The following RALGAPA2 variants were observed in gnomAD, a reference collection of about 807,000 sequenced individuals.
The protein encoded by RALGAPA2 is ral GTPase-activating protein subunit alpha-2.
In RALGAPA2, 139 loss-of-function variants were observed where a neutral mutation model predicts 230.4. The observed-to-expected ratio is 0.60, with a 90% CI of 0.53 to 0.69. RALGAPA2 has a LOEUF of 0.69. Ranked by LOEUF, RALGAPA2 falls within the 30% of genes least tolerant of loss-of-function variation. The probability of loss-of-function intolerance (pLI) is 0.00; values close to 1 mark genes in which losing one functional copy is unlikely to be tolerated. For missense variants in RALGAPA2, 2,163 were observed against 2,276.0 expected (o/e 0.95, Z 1.01); for synonymous variants, 847 against 837.8 (o/e 1.01, Z -0.19).
rs114455943 is a variant in RALGAPA2 at position 20,552,399 on chromosome 20, T to G, written c.3157-5567A>C. 7.3e-3 allele frequency among the ~76,000 whole-genome samples: 1,117 copies of G among 152,314 alleles called. 11 individuals are homozygous for G. The highest frequency in any genetic ancestry group is 0.026 in the African/African-American group (1,072 of 41,568). On this transcript the variant is annotated intron_variant, in intron 23 of 39. Coordinates refer to ENST00000202677, the MANE Select transcript of RALGAPA2 (RefSeq NM_020343.4). Reference sequence around the variant, plus strand: ...ATGAAAAATCACTCAATTCCTCATTTAACTTTTTACTTAAAGAAAACTAAA... The same window carrying G: ...ATGAAAAATCACTCAATTCCTCATTGAACTTTTTACTTAAAGAAAACTAAA...
chr20:20,666,986 C>T (rs1329847892), intron 3 of RALGAPA2, among the ~76,000 whole-genome samples: 2 of 152,040 alleles, frequency 1.3e-5, no homozygotes, highest in Non-Finnish European at 1.5e-5. Flanking sequence ...GTTTGTAATC[C>T]TATTATATTC....
At chr20:20,433,023 C>A (rs2060532072) in intron 37 of RALGAPA2, among the ~76,000 whole-genome samples, 1 of 152,240 alleles carries the variant, frequency 6.6e-6, no homozygotes, top group Non-Finnish European at 1.5e-5. Flanking sequence ...AAAGAGCCTG[C>A]ATTTTAAGAA....
At chr20:20,408,778 T>TA (rs11087322) in intron 38 of RALGAPA2, among the ~76,000 whole-genome samples, 101,086 of 152,016 alleles carry the variant, frequency 0.66, 33,864 homozygotes, top group African/African-American at 0.76. Context: ...AATGTATTTA[T>TA]ACATAAAACA....
intron 37 of RALGAPA2, among the ~76,000 whole-genome samples, chr20:20,413,806 G>A (rs1333216983): frequency 6.6e-6 from 1 of 152,248 alleles, no homozygotes; most frequent in Non-Finnish European, 1.5e-5. Context: ...AACCGCCCAA[G>A]GCCTGGGCAG....
intron 27 of RALGAPA2, among the ~76,000 whole-genome samples, chr20:20,531,383 C>T (rs1340258582): frequency 6.6e-6 from 1 of 152,172 alleles, no homozygotes; most frequent in African/African-American, 2.4e-5. Context: ...GCACGACACC[C>T]CACTCTCTTG....
chr20:20,657,020 TA>T (rs1482714827), intron 3 of RALGAPA2, among the ~76,000 whole-genome samples: 5 of 152,180 alleles, frequency 3.3e-5, no homozygotes, highest in Admixed American at 1.3e-4. Context: ...AACTTTCTCT[TA>T]ACAGAAAAAT....
intron 26 of RALGAPA2, among the ~76,000 whole-genome samples, 200 bp downstream of exon 26, chr20:20,535,545 C>A (rs998694736): frequency 3.9e-5 from 6 of 152,160 alleles, no homozygotes; most frequent in African/African-American, 1.4e-4. Flanking sequence ...TACTCTTCTG[C>A]ACTTTACAAT....
Position 20,410,792 on chromosome 20 carries a change from T to C in RALGAPA2, c.5617+1235A>G, listed in dbSNP as rs541848990. Among the ~76,000 whole-genome samples the C allele has an allele frequency of 3.3e-5, 5 of 152,292 alleles. No individual in the cohort carries two copies. The East Asian group carries it at 5.8e-4, about 18-fold the overall frequency. On this transcript the variant is annotated intron_variant, in intron 38 of 39. Coordinates refer to ENST00000202677, the MANE Select transcript of RALGAPA2 (RefSeq NM_020343.4). ...AGTATTCCAGTTCAACAAAGATCAA[T>C]AGAGGCCATCCCAGTGTTCCTTGAC...
At chr20:20,613,942 T>C (rs1416672674) in intron 13 of RALGAPA2, among the ~76,000 whole-genome samples, 1 of 152,192 alleles carries the variant, frequency 6.6e-6, no homozygotes, top group Non-Finnish European at 1.5e-5. Flanking sequence ...TGAAATTGTT[T>C]TCTAGGTTTT....
At chr20:20,547,885 CACA>C (rs1489583456) in intron 23 of RALGAPA2, among the ~76,000 whole-genome samples, 2 of 152,154 alleles carry the variant, frequency 1.3e-5, no homozygotes, top group East Asian at 1.9e-4. Flanking sequence ...TACAAATGTG[CACA>C]ACATGTTACT....
chr20:20,426,916 A>G (rs1462742332), intron 37 of RALGAPA2, among the ~76,000 whole-genome samples: 1 of 152,252 alleles, frequency 6.6e-6, no homozygotes, highest in African/African-American at 2.4e-5. Flanking sequence ...TATAGGCTCT[A>G]TCTCATTTAA....
chr20:20,697,923 G>A (rs1025601476), intron 1 of RALGAPA2, among the ~76,000 whole-genome samples: 3 of 152,196 alleles, frequency 2.0e-5, no homozygotes, highest in African/African-American at 7.2e-5. Flanking sequence ...CATCTCTAAA[G>A]CCAAACGCTC....
intron 24 of RALGAPA2, 103 bp from the exon 25 acceptor site, chr20:20,536,887 C>T: frequency 7.6e-7 from 1 of 1,320,992 alleles, no homozygotes. Context: ...AAATACCAAA[C>T]TTGGCCGAGT....
At chr20:20,460,302 A>G (rs2061272114) in intron 37 of RALGAPA2, among the ~76,000 whole-genome samples, 1 of 152,162 alleles carries the variant, frequency 6.6e-6, no homozygotes, top group African/African-American at 2.4e-5. Flanking sequence ...TATTTTCCTC[A>G]TTTTAGAGTA....
At chr20:20,491,692 A>T (rs566877387) in intron 36 of RALGAPA2, among the ~76,000 whole-genome samples, 1 of 152,310 alleles carries the variant, frequency 6.6e-6, no homozygotes, top group East Asian at 1.9e-4. Flanking sequence ...TGACTTAATA[A>T]TAAAAGCTGG....
Position 20,652,532 on chromosome 20 carries a change from T to C in RALGAPA2, c.328+998A>G, listed in dbSNP as rs575472609. On this transcript the variant is annotated intron_variant, in intron 4 of 39. Transcript: ENST00000202677. ...TCTGTCCCAGAACTTTGCACACAAA[T>C]GTCTCTCCCTCAACAAATATTTGAA... 3.9e-5 allele frequency among the ~76,000 whole-genome samples: 6 copies of C among 152,344 alleles called. No homozygotes were observed. In the South Asian group the frequency reaches 1.2e-3, roughly 32 times the overall value.
intron 37 of RALGAPA2, among the ~76,000 whole-genome samples, chr20:20,419,834 G>A (rs1348849056): frequency 1.3e-5 from 2 of 152,128 alleles, no homozygotes; most frequent in Non-Finnish European, 2.9e-5. Context: ...TCATTCAAGC[G>A]CTCATCCATT....
chr20:20,419,239 G>A (rs190792808), intron 37 of RALGAPA2, among the ~76,000 whole-genome samples: 4 of 152,144 alleles, frequency 2.6e-5, no homozygotes, highest in South Asian at 2.1e-4. Flanking sequence ...TCCTTAGAAC[G>A]TATGTAAATG....
chr20:20,544,786 T>C (rs773899501), intron 24 of RALGAPA2, among the ~76,000 whole-genome samples: 1 of 151,088 alleles, frequency 6.6e-6, no homozygotes, highest in Non-Finnish European at 1.5e-5. Flanking sequence ...AACCAAACAC[T>C]GCATATTCTC....
Sources: gnomAD v4.1 joint callset for allele counts (sites outside exome capture counted in the v4.1 genomes callset) on GRCh38, gnomAD v4.1.1 for gene constraint, MANE v1.5 for transcripts, NCBI Gene and HGNC (gene_info 2026-07-23, HGNC 2026-07-21) for gene names.